F13A1: variants seen among roughly 807,000 people sequenced by gnomAD.
The protein encoded by F13A1 is coagulation factor XIII A chain.
Under a neutral mutation model 80.1 loss-of-function variants are expected in F13A1, and 47 were observed. The ratio of observed to expected loss-of-function variants is 0.59; its 90% CI spans 0.46 to 0.75. The LOEUF (loss-of-function observed/expected upper bound fraction) is 0.75, where lower values mean the gene tolerates loss of function less well. Among genes scored for constraint, F13A1 ranks in the 30% least tolerant of loss-of-function variants. The pLI is 0.00. For missense variants in F13A1, 817 were observed against 930.4 expected, an observed-to-expected ratio of 0.88 and a Z score of 1.59; for synonymous variants, 349 against 344.9, an observed-to-expected ratio of 1.01 and a Z score of -0.13.
intron 14 of F13A1, among the ~76,000 whole-genome samples, chr6:6,146,417 C>A (rs17141804): frequency 1.3e-5 from 2 of 152,220 alleles, no homozygotes; most frequent in East Asian, 3.9e-4. Context: ...CTAATGTATG[C>A]GGCTAATGAC....
At chr6:6,302,589 C>T (rs371832280) in intron 3 of F13A1, among the ~76,000 whole-genome samples, 3 of 152,100 alleles carry the variant, frequency 2.0e-5, no homozygotes, top group South Asian at 4.2e-4. Flanking sequence ...ATGAATGGAA[C>T]GTGCAGGACC....
intron 3 of F13A1, among the ~76,000 whole-genome samples, chr6:6,290,940 TAGAG>T (rs1758216561): frequency 6.6e-6 from 1 of 152,170 alleles, no homozygotes. Context: ...CATTTCTCAA[TAGAG>T]AAAGTATGTT....
At chr6:6,175,128 C>T (rs758424270) in intron 11 of F13A1, among the ~76,000 whole-genome samples, 3 of 152,134 alleles carry the variant, frequency 2.0e-5, no homozygotes, top group Admixed American at 1.3e-4. Flanking sequence ...TTCTCCGGGG[C>T]CACTATTTCA....
intron 4 of F13A1, among the ~76,000 whole-genome samples, chr6:6,264,442 G>C (rs934774932): frequency 6.6e-6 from 1 of 152,116 alleles, no homozygotes. Context: ...AATTTTCTTA[G>C]AATAGGTTGC....
intron 6 of F13A1, among the ~76,000 whole-genome samples, chr6:6,241,242 C>T (rs1757480298): frequency 6.6e-6 from 1 of 152,158 alleles, no homozygotes; most frequent in East Asian, 1.9e-4. Context: ...CAGTGGTCAC[C>T]ACCTGGGGAA....
intron 3 of F13A1, among the ~76,000 whole-genome samples, chr6:6,294,735 A>T (rs796258362): frequency 4.1e-4 from 55 of 135,402 alleles, no homozygotes; most frequent in African/African-American, 1.7e-3. Flanking sequence ...GTCTTTTTTT[A>T]AAAATTTATT....
rs774669729 is a variant in F13A1 at position 6,266,607 on chromosome 6, AC to A, written c.521del (p.Ser174IlefsTer34). 3 of 1,614,160 alleles carry A rather than the reference AC, an allele frequency of 1.9e-6. No individual in the cohort carries two copies. In the South Asian group the frequency reaches 3.3e-5, roughly 18 times the overall value. Reference protein sequence around the residue: ...VWTPYGVLRTSRNPETDTYIL... With the variant: ...VWTPYGVLRTXRNPETDTYIL... Reference sequence around the variant, plus strand: ...TGTACGTGTCTGTTTCTGGGTTTCGACTGGTTCGAAGTACGCCATAGGGAGT... The same window carrying A: ...TGTACGTGTCTGTTTCTGGGTTTCGATGGTTCGAAGTACGCCATAGGGAGT... On this transcript the variant is annotated frameshift_variant, in exon 4 of 15. Transcript: ENST00000264870. LOFTEE classifies it high-confidence loss of function.
chr6:6,184,127 G>C (rs1161422136), intron 10 of F13A1, among the ~76,000 whole-genome samples: 1 of 152,214 alleles, frequency 6.6e-6, no homozygotes, highest in African/African-American at 2.4e-5. Context: ...CAATGTTTCA[G>C]GGACATTTTA....
chr6:6,260,261 G>A (rs1174625407), intron 4 of F13A1, among the ~76,000 whole-genome samples: 1 of 152,176 alleles, frequency 6.6e-6, no homozygotes, highest in African/African-American at 2.4e-5. Flanking sequence ...AATTGCCTAT[G>A]AATGCAAAGC....
intron 2 of F13A1, among the ~76,000 whole-genome samples, chr6:6,311,698 A>G (rs111843360): frequency 0.73 from 105,746 of 144,782 alleles, 39,026 homozygotes; most frequent in East Asian, 0.85. Context: ...TATATTATAT[A>G]ATGGATATAA....
intron 8 of F13A1, among the ~76,000 whole-genome samples, chr6:6,202,871 C>A (rs1255601685): frequency 6.6e-6 from 1 of 152,204 alleles, no homozygotes; most frequent in East Asian, 1.9e-4. Context: ...ACTCAGAGAA[C>A]CTTCACCAAA....
chr6:6,161,032 A>G (rs932484046), intron 13 of F13A1, among the ~76,000 whole-genome samples: 4 of 152,168 alleles, frequency 2.6e-5, no homozygotes, highest in Admixed American at 6.5e-5. Flanking sequence ...CTTTTTCCAC[A>G]TGATAATACC....
rs751137466 is a variant in F13A1 at position 6,197,337 on chromosome 6, A to G, written c.1113-11T>C. 1 of 1,612,870 alleles carries G rather than the reference A, an allele frequency of 6.2e-7. No homozygotes were observed. Among genetic ancestry groups the G allele is most frequent in the Admixed American group, 1.7e-5 (1 of 60,022 alleles). ...CAGCAGTGGTAGTTCCTTAGAAAAC[A>G]CAAGCCCAGAAAGGTTAAACTTCCC... On this transcript the variant is annotated splice_polypyrimidine_tract_variant and intron_variant, in intron 8 of 14. Coordinates refer to ENST00000264870, the MANE Select transcript of F13A1 (RefSeq NM_000129.4).
chr6:6,305,432 C>G lies in F13A1; in HGVS notation c.238G>C (p.Gly80Arg). 6.2e-7 allele frequency: 1 copy of G among 1,614,240 alleles called. No individual in the cohort carries two copies. The highest frequency in any genetic ancestry group is 2.2e-5 in the East Asian group (1 of 44,886). ...YENNKLIVRRGQSFYVQIDFS... is the reference protein window; with the variant it reads ...YENNKLIVRRRQSFYVQIDFS... ...TCAATCTGCACATAGAAAGACTGCCCTCTGCGGACAATCAGCTTGTTGTTT... is the reference window on the plus strand; with the variant it reads ...TCAATCTGCACATAGAAAGACTGCCGTCTGCGGACAATCAGCTTGTTGTTT... The change falls in exon 3 of 15, where the codon GGG (glycine) becomes CGG (arginine). Residue 80 changes from glycine to arginine, a missense_variant. Transcript: ENST00000264870.
chr6:6,163,766 A>G (rs1337912401), intron 13 of F13A1, among the ~76,000 whole-genome samples: 2 of 152,334 alleles, frequency 1.3e-5, no homozygotes, highest in South Asian at 2.1e-4. Flanking sequence ...ATAGTGCTGC[A>G]ATAAACATAT....
rs1760261150 is a variant in F13A1 at position 6,145,525 on chromosome 6, CTAAGT to C, written c.*89_*93del. 13 of 1,550,622 alleles carry C rather than the reference CTAAGT, an allele frequency of 8.4e-6. No homozygotes were observed. Among genetic ancestry groups the C allele is most frequent in the Non-Finnish European group, 1.2e-5 (13 of 1,124,154 alleles). ...TGCAGTCCTGTCTGGGTCTTCACACCTAAGTCAAAGCAAGAGCTATTTTTGCGTTA... is the reference window on the plus strand; with the variant it reads ...TGCAGTCCTGTCTGGGTCTTCACACCCAAAGCAAGAGCTATTTTTGCGTTA... On this transcript the variant is annotated 3_prime_UTR_variant, in exon 15 of 15. Coordinates refer to ENST00000264870, the MANE Select transcript of F13A1 (RefSeq NM_000129.4).
chr6:6,183,735 G>A (rs1761028879), intron 10 of F13A1, among the ~76,000 whole-genome samples: 1 of 152,134 alleles, frequency 6.6e-6, no homozygotes, highest in South Asian at 2.1e-4. Context: ...AAACCTAGAT[G>A]GCATTTGAGA....
chr6:6,300,807 T>C (rs1758417964), intron 3 of F13A1, among the ~76,000 whole-genome samples: 2 of 142,614 alleles, frequency 1.4e-5, no homozygotes, highest in South Asian at 4.4e-4. Flanking sequence ...TAACAAAGTA[T>C]TTATTCTCGT....
chr6:6,194,230 C>A (rs980052541), intron 10 of F13A1, among the ~76,000 whole-genome samples: 4 of 152,112 alleles, frequency 2.6e-5, no homozygotes. Context: ...TGAAAACTCT[C>A]CCTCACTTAC....
Sources: allele counts gnomAD v4.1 joint callset (sites outside exome capture counted in the v4.1 genomes callset), GRCh38; gene constraint gnomAD v4.1.1; transcripts MANE v1.5; gene names NCBI Gene and HGNC (gene_info 2026-07-23, HGNC 2026-07-21).